NME7: variants seen among roughly 807,000 people sequenced by gnomAD.
NME7 encodes NME/NM23 family member 7, also known as nucleoside diphosphate kinase 7.
In NME7, 41 loss-of-function variants were observed where a neutral mutation model predicts 49.1. The observed-to-expected ratio is 0.83, with a 90% CI of 0.65 to 1.08. The LOEUF is 1.08. Ranked by LOEUF, NME7 falls within the 50% of genes least tolerant of loss-of-function variation. The pLI, the probability that NME7 is intolerant of heterozygous loss-of-function variation, is 0.00. For missense variants in NME7, 423 were observed against 463.4 expected (o/e 0.91, Z 0.80); for synonymous variants, 139 against 150.6 (o/e 0.92, Z 0.56).
intron 11 of NME7, among the ~76,000 whole-genome samples, chr1:169,159,150 G>A (rs796911381): frequency 7.2e-5 from 11 of 152,286 alleles, no homozygotes; most frequent in African/African-American, 2.2e-4. Flanking sequence ...AAAGGTGGGC[G>A]AGGGAGGAAG....
intron 5 of NME7, among the ~76,000 whole-genome samples, chr1:169,299,504 C>T (rs1028855596): frequency 2.1e-4 from 32 of 152,102 alleles, no homozygotes; most frequent in Non-Finnish European, 3.7e-4. Context: ...TGACATCCTC[C>T]CTCTGACTAT....
chr1:169,220,373 T>G (rs1355377766), intron 10 of NME7, among the ~76,000 whole-genome samples: 1 of 152,192 alleles, frequency 6.6e-6, no homozygotes, highest in Non-Finnish European at 1.5e-5. Context: ...GTAAATTATT[T>G]AGAGTGATTA....
intron 11 of NME7, among the ~76,000 whole-genome samples, chr1:169,149,021 A>G (rs1249665233): frequency 3.3e-5 from 5 of 152,218 alleles, no homozygotes; most frequent in Non-Finnish European, 5.9e-5. Flanking sequence ...TAAGAGCACT[A>G]GTGAGCATAT....
intron 10 of NME7, among the ~76,000 whole-genome samples, chr1:169,187,187 A>G (rs747403204): frequency 6.6e-6 from 1 of 152,100 alleles, no homozygotes; most frequent in Admixed American, 6.6e-5. Context: ...TATGTGGTCA[A>G]TTTTAGAATA....
chr1:169,248,108 T>C (rs1648401640), intron 7 of NME7, among the ~76,000 whole-genome samples: 1 of 152,184 alleles, frequency 6.6e-6, no homozygotes, highest in Non-Finnish European at 1.5e-5. Context: ...CAGCAGTGTA[T>C]AGGTGTTCCC....
intron 11 of NME7, among the ~76,000 whole-genome samples, chr1:169,168,444 A>C (rs1220211048): frequency 2.0e-5 from 3 of 152,118 alleles, no homozygotes; most frequent in Admixed American, 2.0e-4. Context: ...TTTTGGAGGC[A>C]AAGTCTCGCT....
chr1:169,135,609 T>TA (rs1309995253), intron 11 of NME7, among the ~76,000 whole-genome samples: 3 of 152,124 alleles, frequency 2.0e-5, no homozygotes, highest in African/African-American at 7.2e-5. Context: ...GGGCTACTGT[T>TA]AACCAGACAT....
At chr1:169,309,731 C>T (rs373588764) in intron 4 of NME7, among the ~76,000 whole-genome samples, 43 of 152,102 alleles carry the variant, frequency 2.8e-4, no homozygotes, top group African/African-American at 9.9e-4. Context: ...TACTCACTTT[C>T]GGTTTTGTAT....
intron 10 of NME7, among the ~76,000 whole-genome samples, chr1:169,214,776 T>G (rs1246352049): frequency 2.0e-5 from 3 of 152,176 alleles, no homozygotes; most frequent in Admixed American, 6.5e-5. Context: ...GCTGGCCACT[T>G]TGGCACCGGC....
At chr1:169,154,298 C>T (rs1272720236) in intron 11 of NME7, among the ~76,000 whole-genome samples, 1 of 151,686 alleles carries the variant, frequency 6.6e-6, no homozygotes, top group African/African-American at 2.4e-5. Context: ...CAGGTGTGAG[C>T]CACTGTGCTG....
chr1:169,150,122 T>C (rs1023139012), intron 11 of NME7, among the ~76,000 whole-genome samples: 14 of 152,154 alleles, frequency 9.2e-5, no homozygotes, highest in African/African-American at 3.1e-4. Flanking sequence ...CATTGAGCTA[T>C]GATTGCACCA....
rs1009533738 is a variant in NME7, at chr1:169,165,977, C to G, written c.1098+3470G>C. Among the ~76,000 whole-genome samples the G allele has an allele frequency of 1.2e-3, 178 of 152,332 alleles. 2 individuals are homozygous for G. Among genetic ancestry groups the G allele is most frequent in the African/African-American group, 4.1e-3 (172 of 41,576 alleles). On this transcript the variant is annotated intron_variant, in intron 11 of 11. Coordinates refer to ENST00000367811, the MANE Select transcript of NME7 (RefSeq NM_013330.5). ...TAAACCACACAGTCATTAATGTACA[C>G]TGAAATCTCCAGTGAAGTTAGATCA...
chr1:169,320,835 CT>C (rs1315059798), intron 3 of NME7, among the ~76,000 whole-genome samples: 2 of 152,122 alleles, frequency 1.3e-5, no homozygotes, highest in African/African-American at 4.8e-5. Context: ...TAGAATTCTT[CT>C]GTTCATCCTG....
chr1:169,359,039 C>G (rs1056025002), intron 1 of NME7, among the ~76,000 whole-genome samples: 2 of 152,008 alleles, frequency 1.3e-5, no homozygotes, highest in Non-Finnish European at 2.9e-5. Flanking sequence ...AAGAATAAAA[C>G]GTAGAGCTGT....
At chr1:169,207,859 T>C in intron 10 of NME7, among the ~76,000 whole-genome samples, 1 of 151,978 alleles carries the variant, frequency 6.6e-6, no homozygotes, top group East Asian at 1.9e-4. Flanking sequence ...AAGGCTAGAT[T>C]TATGGAGTCC....
chr1:169,223,105 T>C (rs527280466), intron 10 of NME7, among the ~76,000 whole-genome samples: 188 of 152,314 alleles, frequency 1.2e-3, no homozygotes, highest in African/African-American at 4.4e-3. Flanking sequence ...TTTATTCAAC[T>C]TTGTGACCTT....
chr1:169,336,438 G>T (rs1182269670), intron 1 of NME7, among the ~76,000 whole-genome samples: 1 of 152,116 alleles, frequency 6.6e-6, no homozygotes, highest in Admixed American at 6.5e-5. Flanking sequence ...GTTTTGTCAG[G>T]GCACTGATTG....
chr1:169,248,610 A>G (rs912981871), intron 7 of NME7, among the ~76,000 whole-genome samples: 2 of 152,080 alleles, frequency 1.3e-5, no homozygotes, highest in Non-Finnish European at 2.9e-5. Context: ...TTATAGTTTC[A>G]TGTCTTAGAT....
At position 169,270,514 on chromosome 1, in the gene NME7, C is replaced by T. The variant is rs1448881802; in HGVS notation, c.754+16789G>A. Among the ~76,000 whole-genome samples, 2 of 133,918 alleles carry T rather than the reference C, an allele frequency of 1.5e-5. 1 individual carries two copies. Among genetic ancestry groups the T allele is most frequent in the Non-Finnish European group, 3.5e-5 (2 of 56,938 alleles). The allele number at this position is 133,918 out of a possible 152,430, so 87.9% of individuals were successfully genotyped here. On this transcript the variant is annotated intron_variant, in intron 7 of 11. Coordinates refer to ENST00000367811, the MANE Select transcript of NME7 (RefSeq NM_013330.5). ...TTTAACAATGACTACATTTTTCTCC[C>T]TGTAGATGATGAATGTAAATGTTGG...
Sources: gnomAD v4.1 joint callset for allele counts (sites outside exome capture counted in the v4.1 genomes callset) on GRCh38, gnomAD v4.1.1 for gene constraint, MANE v1.5 for transcripts, NCBI Gene and HGNC (gene_info 2026-07-23, HGNC 2026-07-21) for gene names.